Variants in SEMA3A observed in about 807,000 individuals in gnomAD.
SEMA3A encodes semaphorin 3A, also known as semaphorin-3A.
In SEMA3A, 29 loss-of-function variants were observed where a neutral mutation model predicts 97.9. The observed-to-expected ratio is 0.30, with a 90% CI of 0.22 to 0.40. The LOEUF (loss-of-function observed/expected upper bound fraction) is 0.40, where lower values mean the gene tolerates loss of function less well. Ranked by LOEUF, SEMA3A falls within the 10% of genes least tolerant of loss-of-function variation. The pLI is 1.00. For missense variants in SEMA3A, 763 were observed against 951.3 expected (o/e 0.80, Z 2.60); for synonymous variants, 321 against 323.7 (o/e 0.99, Z 0.09).
At chr7:84,004,480 C>A (rs1019015742) in intron 11 of SEMA3A, among the ~76,000 whole-genome samples, 1 of 151,658 alleles carries the variant, frequency 6.6e-6, no homozygotes, top group Non-Finnish European at 1.5e-5. Context: ...TTATTGCTAA[C>A]ATTTATTTAC....
intron 3 of SEMA3A, among the ~76,000 whole-genome samples, chr7:84,226,331 T>A (rs912245210): frequency 6.6e-6 from 1 of 151,978 alleles, no homozygotes; most frequent in Admixed American, 6.6e-5. Context: ...TGTCTTTAAA[T>A]GTACAAGTAG....
intron 2 of SEMA3A, among the ~76,000 whole-genome samples, chr7:84,360,208 C>T (rs57307005): frequency 0.053 from 8,113 of 152,076 alleles, 733 homozygotes; most frequent in African/African-American, 0.19. Flanking sequence ...TCTTGCTTCT[C>T]TAGTTCTTTT....
At chr7:84,396,752 A>C (rs1803744726) in intron 1 of SEMA3A, among the ~76,000 whole-genome samples, 1 of 152,024 alleles carries the variant, frequency 6.6e-6, no homozygotes, top group Non-Finnish European at 1.5e-5. Flanking sequence ...TAAGAAAAAT[A>C]ATGTTTTTTT....
At chr7:84,436,116 C>T (rs1805121943) in intron 1 of SEMA3A, among the ~76,000 whole-genome samples, 1 of 152,166 alleles carries the variant, frequency 6.6e-6, no homozygotes, top group Non-Finnish European at 1.5e-5. Flanking sequence ...GTTGGGATAA[C>T]TGGCTAGCTA....
chr7:84,196,337 G>C (rs989452975), upstream of SEMA3A, among the ~76,000 whole-genome samples: 2 of 147,284 alleles, frequency 1.4e-5, no homozygotes, highest in African/African-American at 5.2e-5. Context: ...AAAGCACAGC[G>C]CTCGCTCGCT....
chr7:84,213,221 C>T (rs58227364), intron 3 of SEMA3A, among the ~76,000 whole-genome samples: 10,759 of 152,236 alleles, frequency 0.071, 527 homozygotes, highest in Non-Finnish European at 0.083. Context: ...AGGTGATCCA[C>T]CCGCCTCAGC....
intron 1 of SEMA3A, among the ~76,000 whole-genome samples, chr7:84,409,901 G>A (rs1188148753): frequency 6.6e-6 from 1 of 152,038 alleles, no homozygotes; most frequent in African/African-American, 2.4e-5. Context: ...TTCTCCTATT[G>A]TGAGGTATAA....
At chr7:84,301,435 T>A (rs1801014577) in intron 3 of SEMA3A, among the ~76,000 whole-genome samples, 1 of 152,110 alleles carries the variant, frequency 6.6e-6, no homozygotes, top group Non-Finnish European at 1.5e-5. Flanking sequence ...AAGTTTTGAA[T>A]AGGTACTTAA....
intron 1 of SEMA3A, among the ~76,000 whole-genome samples, chr7:84,413,117 T>A (rs2116255621): frequency 6.6e-6 from 1 of 152,296 alleles, no homozygotes; most frequent in African/African-American, 2.4e-5. Flanking sequence ...CTATTATACA[T>A]TTCTTTCTTC....
At chr7:84,061,897 T>C (rs991203580) in intron 4 of SEMA3A, among the ~76,000 whole-genome samples, 2 of 152,216 alleles carry the variant, frequency 1.3e-5, no homozygotes, top group African/African-American at 4.8e-5. Flanking sequence ...AAATCTATAC[T>C]GTGAAATAAT....
intron 6 of SEMA3A, among the ~76,000 whole-genome samples, chr7:84,043,963 T>C (rs2115569517): frequency 6.6e-6 from 1 of 152,142 alleles, no homozygotes; most frequent in Non-Finnish European, 1.5e-5. Context: ...TGGGTTTTTT[T>C]CTCCAAGGCC....
chr7:84,110,917 GA>G (rs1479105751), intron 3 of SEMA3A, among the ~76,000 whole-genome samples: 9 of 151,964 alleles, frequency 5.9e-5, no homozygotes, highest in Non-Finnish European at 8.8e-5. Flanking sequence ...GATTTTTCCA[GA>G]AATGAGGAGA....
intron 2 of SEMA3A, among the ~76,000 whole-genome samples, chr7:84,336,644 C>A (rs944618541): frequency 6.6e-6 from 1 of 152,190 alleles, no homozygotes; most frequent in South Asian, 2.1e-4. Context: ...GAGGAGGAAC[C>A]AGAATGCCAG....
chr7:83,975,633 T>C (rs1406066090), intron 15 of SEMA3A, among the ~76,000 whole-genome samples: 1 of 152,102 alleles, frequency 6.6e-6, no homozygotes, highest in African/African-American at 2.4e-5. Context: ...CCTAGAAATA[T>C]ACAACAAGCA....
At chr7:83,993,414 T>C (rs1584518333) in intron 12 of SEMA3A, among the ~76,000 whole-genome samples, 1 of 151,912 alleles carries the variant, frequency 6.6e-6, no homozygotes, top group South Asian at 2.1e-4. Flanking sequence ...CTAGTCTTGA[T>C]GGTGTTTACA....
chr7:84,408,951 A>G (rs1323477632), intron 1 of SEMA3A, among the ~76,000 whole-genome samples: 2 of 151,772 alleles, frequency 1.3e-5, no homozygotes, highest in African/African-American at 4.8e-5. Flanking sequence ...GCTAAATGAC[A>G]AGTTATTGGG....
intron 1 of SEMA3A, among the ~76,000 whole-genome samples, chr7:84,177,105 C>G (rs1797591656): frequency 6.6e-6 from 1 of 152,120 alleles, no homozygotes; most frequent in South Asian, 2.1e-4. Context: ...AAAGCTCATG[C>G]ATCTACAAGA....
intron 1 of SEMA3A, among the ~76,000 whole-genome samples, chr7:84,489,496 T>G (rs895107508): frequency 6.9e-5 from 10 of 144,324 alleles, no homozygotes; most frequent in African/African-American, 2.3e-4. Context: ...TAGAGCAGTT[T>G]CCAGGAATTT....
At chr7:84,109,337 GAGA>G (rs1373431015) in intron 4 of SEMA3A, among the ~76,000 whole-genome samples, 2 of 152,162 alleles carry the variant, frequency 1.3e-5, no homozygotes, top group African/African-American at 2.4e-5. Flanking sequence ...TTATAAAAAA[GAGA>G]AGAAGGAAGG....
Sources: gnomAD v4.1 joint callset for allele counts (sites outside exome capture counted in the v4.1 genomes callset) on GRCh38, gnomAD v4.1.1 for gene constraint, MANE v1.5 for transcripts, NCBI Gene and HGNC (gene_info 2026-07-23, HGNC 2026-07-21) for gene names.